The following URB1 variants were observed in gnomAD, a reference collection of about 807,000 sequenced individuals.
URB1 encodes the protein nucleolar pre-ribosomal-associated protein 1.
A neutral mutation model predicts 242.3 loss-of-function variants in URB1; 197 were observed. The ratio of observed to expected loss-of-function variants is 0.81; its 90% CI spans 0.72 to 0.91. The LOEUF is 0.91. Among genes scored for constraint, URB1 ranks in the 40% least tolerant of loss-of-function variants. The pLI is 0.00. For missense variants in URB1, 2,721 were observed against 2,860.5 expected (o/e 0.95, Z 1.11); for synonymous variants, 1,153 against 1,201.8 (o/e 0.96, Z 0.84).
At chr21:32,391,624 CT>C (rs929258136) in intron 1 of URB1, among the ~76,000 whole-genome samples, 35 of 152,262 alleles carry the variant, frequency 2.3e-4, no homozygotes, top group African/African-American at 7.9e-4. Context: ...ATAATAGCCT[CT>C]AGTAATACTT....
rs890636777 is a variant in URB1 at position 32,349,429 on chromosome 21, G to A, written c.2887C>T (p.Arg963Cys). The A allele has an allele frequency of 1.4e-5, 22 of 1,551,236 alleles. No homozygotes were observed. Among genetic ancestry groups the A allele is most frequent in the East Asian group, 9.8e-5 (4 of 40,902 alleles). ...LLQLFLDLLRRLVVHCEQLDA... is the reference protein window; with the variant it reads ...LLQLFLDLLRCLVVHCEQLDA... ...AGCTGCTCACAGTGGACAACCAGGC[G>A]CCTGAGGAGATCCAGGAAGAGCTGC... Residue 963 changes from arginine (R) to cysteine (C), a missense_variant, in exon 21 of 39, where the codon CGC (arginine) becomes TGC (cysteine). Coordinates refer to ENST00000382751, the MANE Select transcript of URB1 (RefSeq NM_014825.3).
In URB1 at chr21:32,314,614, T is replaced by C. The variant is rs1487307756; in HGVS notation, c.*304A>G. 2.5e-6 allele frequency: 4 copies of C among 1,614,236 alleles called. No homozygotes were observed. The highest frequency in any genetic ancestry group is 3.4e-6 in the Non-Finnish European group (4 of 1,180,036). On this transcript the variant is annotated 3_prime_UTR_variant, in exon 39 of 39. Transcript: ENST00000382751. ...TGCCTCAAACTCGAGCTATTTCCTGTGATGAGCTCCAAGCCCCTAGAGAGG... is the reference window on the plus strand; with the variant it reads ...TGCCTCAAACTCGAGCTATTTCCTGCGATGAGCTCCAAGCCCCTAGAGAGG...
At chr21:32,346,833 A>G in intron 22 of URB1, 123 bp downstream of exon 22, 1 of 1,337,216 alleles carries the variant, frequency 7.5e-7, no homozygotes, top group South Asian at 1.6e-5. Flanking sequence ...GTTGTGTCAG[A>G]CACTGGAAAC....
rs1203005141 is a variant in URB1 at position 32,347,041 on chromosome 21, G to T, written c.3783C>A (p.Leu1261=). The change falls in exon 22 of 39, where the codon CTC becomes CTA. Residue 1261 remains leucine, a synonymous_variant. Coordinates refer to ENST00000382751, the MANE Select transcript of URB1 (RefSeq NM_014825.3). ...GAAGGAAGTCGTCCAGGTCCCCCTG[G>T]AGGCCGAGCCCTGGGCCAGCCTGCA... The part of the protein sequence containing the change: ...WCLQAGPGLG[L]QGDLDDFLPL... 25 of 1,549,772 alleles carry T rather than the reference G, an allele frequency of 1.6e-5. No homozygotes were observed. The highest frequency in any genetic ancestry group is 1.7e-4 in the Middle Eastern group (1 of 5,902).
Position 32,357,719 on chromosome 21 carries a change from T to C in URB1, c.1870-63A>G, listed in dbSNP as rs554049739. Reference sequence around the variant, plus strand: ...TAATTACATATATAATTTTAATATATAGTTATATATTAGAAACATACCATG... The same window carrying C: ...TAATTACATATATAATTTTAATATACAGTTATATATTAGAAACATACCATG... On this transcript the variant is annotated intron_variant, in intron 14 of 38. Transcript: ENST00000382751. 9 of 1,192,858 alleles carry C rather than the reference T, an allele frequency of 7.5e-6. No individual in the cohort carries two copies. The South Asian group carries it at 1.9e-4, about 25-fold the overall frequency. 73.9% of individuals were successfully genotyped at this position (1,192,858 alleles called of 1,614,324 possible).
chr21:32,380,661 A>G (rs2033512698), intron 4 of URB1, among the ~76,000 whole-genome samples: 2 of 152,200 alleles, frequency 1.3e-5, no homozygotes, highest in African/African-American at 2.4e-5. Flanking sequence ...CTCATTGTTC[A>G]AATAAACATA....
At chr21:32,325,472 G>T (rs1465819376) in intron 30 of URB1, 83 bp from the exon 31 acceptor site, 19 of 1,462,844 alleles carry the variant, frequency 1.3e-5, no homozygotes, top group Non-Finnish European at 1.7e-5. Flanking sequence ...ATTTCCTCTT[G>T]TGTCTTACCA....
chr21:32,325,507 G>GA, intron 30 of URB1, 118 bp from the exon 31 acceptor site: 3 of 1,310,836 alleles, frequency 2.3e-6, no homozygotes, highest in Non-Finnish European at 3.1e-6. Flanking sequence ...CAAGCACAAG[G>GA]AATGCAAGTC....
chr21:32,327,985 T>C (rs2032849319), intron 30 of URB1, among the ~76,000 whole-genome samples: 1 of 152,192 alleles, frequency 6.6e-6, no homozygotes, highest in Admixed American at 6.5e-5. Context: ...AAGGCAGAGA[T>C]GGTCAGATTA....
In URB1 at chr21:32,366,624, T is replaced by C. The variant is rs1004393363; in HGVS notation, c.1329A>G (p.Ala443=). 1.4e-5 allele frequency: 21 copies of C among 1,551,282 alleles called. No individual in the cohort carries two copies. The highest frequency in any genetic ancestry group is 1.7e-5 in the Non-Finnish European group (20 of 1,146,812). Residue 443 remains alanine, a synonymous_variant, in exon 10 of 39, where the codon GCA becomes GCG. Transcript: ENST00000382751. ...LVCNKSMFTQ[A]LNLDSTSVRH... Reference sequence around the variant, plus strand: ...GGCAACCACATGGCCTTACGTTTAATGCTTGGGTGAACATGCTCTTATTGC... The same window carrying C: ...GGCAACCACATGGCCTTACGTTTAACGCTTGGGTGAACATGCTCTTATTGC...
chr21:32,378,866 T>C (rs1439192451), intron 4 of URB1, among the ~76,000 whole-genome samples: 1 of 152,210 alleles, frequency 6.6e-6, no homozygotes, highest in Non-Finnish European at 1.5e-5. Flanking sequence ...GCCACTTTGG[T>C]GTAGAGCAAG....
In URB1 at chr21:32,314,154, TTTG is replaced by T. The variant is rs1323448339; in HGVS notation, c.*761_*763del. On this transcript the variant is annotated 3_prime_UTR_variant, in exon 39 of 39. Coordinates refer to ENST00000382751, the MANE Select transcript of URB1 (RefSeq NM_014825.3). ...CTTATTCAAAAAGTCATACTAATAC[TTTG>T]TTATGACTTTTTATAGAAAAACAAA... is the stretch of plus-strand genomic sequence containing the variant. 1 of 191,922 alleles carries T rather than the reference TTTG, an allele frequency of 5.2e-6. No individual in the cohort carries two copies. Among genetic ancestry groups the T allele is most frequent in the African/African-American group, 2.4e-5 (1 of 42,424 alleles). The allele number at this position is 191,922 out of a possible 1,614,324, so 11.9% of individuals were successfully genotyped here.
intron 12 of URB1, 129 bp from the exon 13 acceptor site, chr21:32,361,252 TG>T: frequency 1.5e-6 from 1 of 681,444 alleles, no homozygotes; most frequent in Non-Finnish European, 2.3e-6. Context: ...CTTGAGCAGC[TG>T]AACCAAGTGT....
Position 32,316,940 on chromosome 21 carries a change from T to C in URB1, c.6160A>G (p.Thr2054Ala), listed in dbSNP as rs1469094879. Residue 2054 changes from threonine to alanine, a missense_variant, in exon 38 of 39, where the codon ACA becomes GCA. Physicochemically the swap from Thr to Ala is moderately conservative, Grantham distance 58 (BLOSUM62 0). Transcript: ENST00000382751. ...DPELMASTLE[T>A]CKGLLRSILT... ...ATGGACCTCAGGAGGCCCTTGCATG[T>C]CTCCAAGGTAGATGCCATCAGCTCA... 4 of 1,551,648 alleles carry C rather than the reference T, an allele frequency of 2.6e-6. No individual in the cohort carries two copies. The highest frequency in any genetic ancestry group is 1.7e-4 in the Middle Eastern group (1 of 5,988).
Position 32,352,851 on chromosome 21 carries a change from C to G in URB1, c.2472G>C (p.Gln824His). ...GGAGACACAGAGCCAGGGGGTCCCT[C>G]TGGGTGTGGAGGAGGTCAGTCAGCA... ...TAVLTDLLHT[Q>H]RDPLALCLLL... is the part of the protein sequence containing the mutation. The change falls in exon 19 of 39, where the codon CAG (glutamine) becomes CAC (histidine). Residue 824 changes from glutamine (Q) to histidine (H), a missense_variant. Physicochemically the swap from Gln to His is conservative, Grantham distance 24. Transcript: ENST00000382751. 1 of 1,551,640 alleles carries G rather than the reference C, an allele frequency of 6.4e-7. No homozygotes were observed. Among genetic ancestry groups the G allele is most frequent in the Non-Finnish European group, 8.7e-7 (1 of 1,146,986 alleles).
chr21:32,331,405 A>G (rs1330061263), intron 30 of URB1, among the ~76,000 whole-genome samples: 1 of 152,220 alleles, frequency 6.6e-6, no homozygotes, highest in Non-Finnish European at 1.5e-5. Flanking sequence ...TGGAGTAGAC[A>G]TGCTTTTTCC....
At chr21:32,337,337 T>C in intron 27 of URB1, 67 bp downstream of exon 27, 1 of 1,446,062 alleles carries the variant, frequency 6.9e-7, no homozygotes, top group Non-Finnish European at 9.4e-7. Context: ...TCATTCCCTA[T>C]CTCTGCTCAC....
chr21:32,375,568 C>A, intron 5 of URB1, 85 bp from the exon 6 acceptor site: 6 of 730,574 alleles, frequency 8.2e-6, no homozygotes, highest in South Asian at 4.6e-5. Flanking sequence ...TTAGGTGGTA[C>A]AGCAAACAAT....
intron 38 of URB1, 29 bp from the exon 39 acceptor site, chr21:32,315,128 G>GA: frequency 1.3e-6 from 2 of 1,486,202 alleles, no homozygotes; most frequent in South Asian, 1.3e-5. Context: ...TAGGCCATTA[G>GA]GATGCACACC....
Sources: allele counts gnomAD v4.1 joint callset (sites outside exome capture counted in the v4.1 genomes callset), GRCh38; gene constraint gnomAD v4.1.1; transcripts MANE v1.5; gene names NCBI Gene and HGNC (gene_info 2026-07-23, HGNC 2026-07-21).